DENND1B: variants seen among roughly 807,000 people sequenced by gnomAD.
DENND1B encodes the protein DENN domain-containing protein 1B.
Under a neutral mutation model 90.1 loss-of-function variants are expected in DENND1B, and 59 were observed. That is an observed-to-expected ratio of 0.65 (90% CI 0.53 to 0.81). DENND1B has a LOEUF of 0.81. DENND1B is among the 40% of genes least tolerant of loss of function. The pLI is 0.00. For missense variants in DENND1B, 862 were observed against 912.6 expected (o/e 0.94, Z 0.71); for synonymous variants, 337 against 324.6 (o/e 1.04, Z -0.41).
At chr1:197,646,755 T>C (rs2125925531) in intron 8 of DENND1B, among the ~76,000 whole-genome samples, 5 of 152,030 alleles carry the variant, frequency 3.3e-5, no homozygotes, top group Middle Eastern at 6.8e-3. Context: ...ATGTGACAAA[T>C]CTTGTGCTGT....
At chr1:197,757,558 G>C (rs1390842004) in intron 2 of DENND1B, among the ~76,000 whole-genome samples, 1 of 152,052 alleles carries the variant, frequency 6.6e-6, no homozygotes, top group East Asian at 1.9e-4. Context: ...CTGTTATTGA[G>C]AACTCAGGAA....
chr1:197,715,953 A>G (rs973596820), intron 2 of DENND1B, among the ~76,000 whole-genome samples: 1 of 151,756 alleles, frequency 6.6e-6, no homozygotes, highest in African/African-American at 2.4e-5. Flanking sequence ...AAAAAACAAA[A>G]CTTGAAAGCC....
intron 2 of DENND1B, among the ~76,000 whole-genome samples, chr1:197,754,863 A>T (rs969575962): frequency 1.3e-5 from 2 of 152,098 alleles, no homozygotes; most frequent in East Asian, 3.9e-4. Flanking sequence ...AATATTACCC[A>T]TTATATTCTC....
chr1:197,531,247 T>A (rs1388861378), intron 20 of DENND1B, among the ~76,000 whole-genome samples: 1 of 152,182 alleles, frequency 6.6e-6, no homozygotes, highest in East Asian at 1.9e-4. Flanking sequence ...CTCTAGGGCA[T>A]TTTTCTACTA....
At chr1:197,754,763 A>G (rs139437864) in intron 2 of DENND1B, among the ~76,000 whole-genome samples, 1 of 151,906 alleles carries the variant, frequency 6.6e-6, no homozygotes, top group African/African-American at 2.4e-5. Context: ...GTTAGATAAT[A>G]GGATACCATG....
intron 13 of DENND1B, among the ~76,000 whole-genome samples, chr1:197,600,977 C>A (rs188274837): frequency 2.6e-5 from 4 of 151,676 alleles, no homozygotes; most frequent in Admixed American, 2.6e-4. Context: ...ACCACAGAGA[C>A]ACACATGGTT....
chr1:197,519,621 A>G (rs1668632662), intron 20 of DENND1B, among the ~76,000 whole-genome samples: 1 of 151,948 alleles, frequency 6.6e-6, no homozygotes, highest in Admixed American at 6.6e-5. Flanking sequence ...AATTTGTACT[A>G]AACTATGATT....
chr1:197,607,443 G>A (rs1017194609), intron 12 of DENND1B, among the ~76,000 whole-genome samples: 4 of 150,498 alleles, frequency 2.7e-5, no homozygotes, highest in Non-Finnish European at 6.0e-5. Context: ...TATAAAATAG[G>A]CACAGTTATA....
upstream of DENND1B, chr1:197,775,823 A>G (rs1240464533): frequency 6.6e-6 from 1 of 152,312 alleles, no homozygotes; most frequent in Non-Finnish European, 1.5e-5. Context: ...TTCCACACAC[A>G]TACACACGGA....
At chr1:197,599,728 A>G (rs1161773758) in intron 13 of DENND1B, among the ~76,000 whole-genome samples, 3 of 151,850 alleles carry the variant, frequency 2.0e-5, no homozygotes, top group Non-Finnish European at 2.9e-5. Context: ...CTCTATTCGA[A>G]GATTAAAACA....
At chr1:197,700,546 G>A (rs1423204264) in intron 3 of DENND1B, among the ~76,000 whole-genome samples, 1 of 152,114 alleles carries the variant, frequency 6.6e-6, no homozygotes, top group Non-Finnish European at 1.5e-5. Flanking sequence ...TCAGGACACA[G>A]ACATGGGCAA....
chr1:197,701,243 A>G (rs1014565082), intron 3 of DENND1B, among the ~76,000 whole-genome samples: 2 of 152,198 alleles, frequency 1.3e-5, no homozygotes, highest in Non-Finnish European at 2.9e-5. Context: ...GGAATACTAT[A>G]CTGCCATACA....
At chr1:197,703,316 A>C (rs918182414) in intron 3 of DENND1B, among the ~76,000 whole-genome samples, 1 of 151,994 alleles carries the variant, frequency 6.6e-6, no homozygotes, top group Non-Finnish European at 1.5e-5. Context: ...AAAAAAAAGA[A>C]AAAAGAAAGA....
chr1:197,776,557 A>C (rs1657278847), upstream of DENND1B, among the ~76,000 whole-genome samples: 1 of 152,204 alleles, frequency 6.6e-6, no homozygotes, highest in African/African-American at 2.4e-5. Flanking sequence ...GTTACTTCAG[A>C]CTTTATTCAT....
At chr1:197,603,523 G>T (rs566640127) in intron 13 of DENND1B, among the ~76,000 whole-genome samples, 69 of 150,946 alleles carry the variant, frequency 4.6e-4, no homozygotes, top group Admixed American at 6.6e-5. Context: ...AGACCGTTAA[G>T]CAATACAGGT....
intron 13 of DENND1B, among the ~76,000 whole-genome samples, chr1:197,599,734 A>G (rs1176883958): frequency 6.6e-6 from 1 of 151,864 alleles, no homozygotes; most frequent in East Asian, 1.9e-4. Flanking sequence ...TCGAAGATTA[A>G]AACAGTAACC....
chr1:197,590,594 C>T (rs761362619), intron 14 of DENND1B, among the ~76,000 whole-genome samples: 2 of 152,112 alleles, frequency 1.3e-5, no homozygotes, highest in African/African-American at 4.8e-5. Flanking sequence ...GGATTACACA[C>T]TGTAAGTAAC....
chr1:197,758,012 T>G (rs1654522760), intron 2 of DENND1B, among the ~76,000 whole-genome samples: 1 of 152,188 alleles, frequency 6.6e-6, no homozygotes, highest in South Asian at 2.1e-4. Flanking sequence ...GTTTGAAAAC[T>G]TACACATATA....
intron 2 of DENND1B, among the ~76,000 whole-genome samples, chr1:197,750,888 G>A (rs1274586726): frequency 6.6e-6 from 1 of 152,140 alleles, no homozygotes; most frequent in Non-Finnish European, 1.5e-5. Context: ...TCATAAAGAA[G>A]ACATAATAGT....
Sources: gnomAD v4.1 joint callset for allele counts (sites outside exome capture counted in the v4.1 genomes callset) on GRCh38, gnomAD v4.1.1 for gene constraint, MANE v1.5 for transcripts, NCBI Gene and HGNC (gene_info 2026-07-23, HGNC 2026-07-21) for gene names.